Variants in NRG1 observed in about 807,000 individuals in gnomAD.
NRG1 encodes the protein pro-neuregulin-1, membrane-bound isoform.
NRG1 carries 18 observed loss-of-function variants against 63.8 expected under a neutral mutation model. The observed-to-expected ratio is 0.28, with a 90% CI of 0.19 to 0.42. NRG1 has a LOEUF of 0.42. NRG1 is among the 10% of genes least tolerant of loss of function. NRG1 has a pLI of 1.00. For missense variants in NRG1, 762 were observed against 814.7 expected (o/e 0.94, Z 0.79); for synonymous variants, 302 against 301.3 (o/e 1.00, Z -0.02).
chr8:32,315,109 A>T (rs1857233873), intron 1 of NRG1, among the ~76,000 whole-genome samples: 1 of 152,206 alleles, frequency 6.6e-6, no homozygotes, highest in Admixed American at 6.5e-5. Context: ...GTTCTGGGAT[A>T]CATGTGCAGG....
chr8:32,636,358 A>G (rs1851339447), intron 5 of NRG1, among the ~76,000 whole-genome samples: 1 of 152,148 alleles, frequency 6.6e-6, no homozygotes, highest in South Asian at 2.1e-4. Context: ...ATGCTTTTAG[A>G]GGGGCTTTGT....
At chr8:32,542,503 A>G (rs1832672425) in intron 1 of NRG1, among the ~76,000 whole-genome samples, 1 of 152,240 alleles carries the variant, frequency 6.6e-6, no homozygotes, top group African/African-American at 2.4e-5. Flanking sequence ...AAGGTAAGGA[A>G]AAGCTTTTCC....
intron 1 of NRG1, among the ~76,000 whole-genome samples, chr8:32,559,251 A>AAAAAAAAAAAAG (rs1835866854): frequency 6.7e-6 from 1 of 150,028 alleles, no homozygotes; most frequent in African/African-American, 2.4e-5. Flanking sequence ...AATGTAAAAA[A>AAAAAAAAAAAAG]AAAAAAAAAA....
intron 1 of NRG1, among the ~76,000 whole-genome samples, chr8:31,747,810 C>A (rs1450191567): frequency 6.6e-6 from 1 of 151,928 alleles, no homozygotes; most frequent in African/African-American, 2.4e-5. Context: ...CACATGTCAT[C>A]TTGAAATGAG....
At chr8:32,355,558 G>A (rs960612071) in intron 1 of NRG1, among the ~76,000 whole-genome samples, 3 of 151,956 alleles carry the variant, frequency 2.0e-5, no homozygotes, top group Non-Finnish European at 2.9e-5. Flanking sequence ...TATGAAACAG[G>A]GACTTAGTTG....
intron 1 of NRG1, among the ~76,000 whole-genome samples, chr8:32,031,227 C>T (rs746357868): frequency 4.6e-5 from 7 of 152,196 alleles, no homozygotes; most frequent in South Asian, 2.1e-4. Context: ...TCTCCATGGG[C>T]AGCAGCCTCT....
intron 1 of NRG1, among the ~76,000 whole-genome samples, chr8:31,837,565 TC>T (rs2129607210): frequency 6.6e-6 from 1 of 152,152 alleles, no homozygotes; most frequent in East Asian, 1.9e-4. Context: ...ACCTTACTGT[TC>T]AACAGAGTAC....
At chr8:32,590,627 G>A (rs906639180) in intron 1 of NRG1, among the ~76,000 whole-genome samples, 10 of 151,968 alleles carry the variant, frequency 6.6e-5, no homozygotes, top group African/African-American at 2.4e-4. Context: ...GTTATTCCTG[G>A]GTATTAGAAG....
intron 1 of NRG1, among the ~76,000 whole-genome samples, chr8:32,403,173 C>A (rs1370448821): frequency 6.6e-6 from 1 of 151,844 alleles, no homozygotes; most frequent in African/African-American, 2.4e-5. Context: ...GTGGCAGGTG[C>A]CTGTAATCGC....
intron 1 of NRG1, among the ~76,000 whole-genome samples, chr8:31,676,729 G>T (rs1807742109): frequency 1.3e-5 from 2 of 152,168 alleles, no homozygotes; most frequent in African/African-American, 4.8e-5. Context: ...TCAAATTTTA[G>T]CTCTGCCATT....
chr8:31,991,380 C>CTTCTTCTTCTGCTTT (rs1228162495), intron 1 of NRG1, among the ~76,000 whole-genome samples: 2 of 151,386 alleles, frequency 1.3e-5, no homozygotes, highest in South Asian at 4.2e-4. Flanking sequence ...TCCTCCTCCT[C>CTTCTTCTTCTGCTTT]TTCTTCTGCT....
chr8:31,782,703 T>C (rs1457048573), intron 1 of NRG1, among the ~76,000 whole-genome samples: 1 of 152,186 alleles, frequency 6.6e-6, no homozygotes, highest in Non-Finnish European at 1.5e-5. Flanking sequence ...CTTAAACAAC[T>C]ATCCATGAAC....
intron 1 of NRG1, among the ~76,000 whole-genome samples, chr8:32,527,918 C>T (rs1588125532): frequency 6.6e-6 from 1 of 152,174 alleles, no homozygotes; most frequent in East Asian, 1.9e-4. Flanking sequence ...CATTATCCAA[C>T]CGCTTCTCCC....
At position 32,160,646 on chromosome 8, in the gene NRG1, A is replaced by T. The variant is rs1838723995; in HGVS notation, c.38-435182A>T. On this transcript the variant is annotated intron_variant, in intron 1 of 10. Coordinates refer to the NRG1 transcript ENST00000519301. ...AATATTTGAAGCCAACAGGATCCTA[A>T]GTCTGGGTGGGTCCTAATGCCAGAG... is the stretch of plus-strand genomic sequence containing the variant. Among the ~76,000 whole-genome samples the T allele has an allele frequency of 2.0e-5, 3 of 152,236 alleles. No homozygotes were observed. The South Asian group carries it at 6.2e-4, about 32-fold the overall frequency.
chr8:31,932,192 T>G (rs965758895), intron 1 of NRG1, among the ~76,000 whole-genome samples: 1 of 152,058 alleles, frequency 6.6e-6, no homozygotes, highest in East Asian at 1.9e-4. Context: ...TGTTACAAAT[T>G]ATAGGTTCCA....
At chr8:31,816,243 A>T (rs891372325) in intron 1 of NRG1, among the ~76,000 whole-genome samples, 5 of 152,094 alleles carry the variant, frequency 3.3e-5, no homozygotes, top group African/African-American at 1.2e-4. Context: ...GAGGCTGGGG[A>T]TGTGTGTCCC....
At chr8:31,937,720 G>T (rs1434831058) in intron 1 of NRG1, among the ~76,000 whole-genome samples, 1 of 152,194 alleles carries the variant, frequency 6.6e-6, no homozygotes, top group Non-Finnish European at 1.5e-5. Context: ...CTGCATGGGA[G>T]TGGGGTGAGG....
intron 1 of NRG1, among the ~76,000 whole-genome samples, chr8:32,204,818 A>T (rs1843858718): frequency 6.6e-6 from 1 of 152,172 alleles, no homozygotes; most frequent in Non-Finnish European, 1.5e-5. Context: ...AATCATCTGA[A>T]ATCCCTCATT....
intron 1 of NRG1, among the ~76,000 whole-genome samples, chr8:31,699,575 A>G (rs1376846442): frequency 6.6e-6 from 1 of 152,154 alleles, no homozygotes; most frequent in Non-Finnish European, 1.5e-5. Flanking sequence ...TGGTGTTTGC[A>G]CTTCATGCCT....
Sources: gnomAD v4.1 joint callset for allele counts (sites outside exome capture counted in the v4.1 genomes callset) on GRCh38, gnomAD v4.1.1 for gene constraint, MANE v1.5 for transcripts, NCBI Gene and HGNC (gene_info 2026-07-23, HGNC 2026-07-21) for gene names.